TASP1: variants seen among roughly 807,000 people sequenced by gnomAD.
TASP1 encodes the protein taspase 1.
TASP1 carries 16 observed loss-of-function variants against 56.6 expected under a neutral mutation model. That is an observed-to-expected ratio of 0.28 (90% CI 0.19 to 0.43). TASP1 has a LOEUF of 0.43. Among genes scored for constraint, TASP1 ranks in the 20% least tolerant of loss-of-function variants. The pLI, the probability that TASP1 is intolerant of heterozygous loss-of-function variation, is 1.00. For synonymous variants in TASP1, 179 were observed against 184.2 expected (o/e 0.97, Z 0.23); for missense variants, 393 against 511.6 (o/e 0.77, Z 2.24).
the TASP1 span, among the ~76,000 whole-genome samples, chr20:13,240,894 A>T: frequency 3.3e-3 from 500 of 152,258 alleles, 1 homozygote; most frequent in African/African-American, 0.011. Context: ...AGTTCATGTC[A>T]GTGGATTTAT....
At chr20:13,366,329 G>C in the TASP1 span, among the ~76,000 whole-genome samples, 1 of 152,134 alleles carries the variant, frequency 6.6e-6, no homozygotes, top group African/African-American at 2.4e-5. Context: ...GTCAGGAAGA[G>C]AACAGAAACC....
chr20:13,179,108 T>C, the TASP1 span, among the ~76,000 whole-genome samples: 19 of 152,282 alleles, frequency 1.2e-4, no homozygotes, highest in African/African-American at 3.8e-4. Context: ...AGTTTAAGAA[T>C]GAATTGAGGA....
At chr20:13,154,017 C>G in the TASP1 span, 1 of 1,614,034 alleles carries the variant, frequency 6.2e-7, no homozygotes, top group South Asian at 1.1e-5. Context: ...GCAGAGAGTA[C>G]AGCAACTTGC....
chr20:13,365,477 C>T, the TASP1 span, among the ~76,000 whole-genome samples: 2 of 152,200 alleles, frequency 1.3e-5, no homozygotes, highest in African/African-American at 4.8e-5. Context: ...GAGTATATTT[C>T]AGCTTGATGT....
chr20:13,311,333 G>A, the TASP1 span, among the ~76,000 whole-genome samples: 1 of 152,178 alleles, frequency 6.6e-6, no homozygotes, highest in Admixed American at 6.5e-5. Flanking sequence ...TACACTGCTG[G>A]TGGGAATGTA....
chr20:13,200,877 G>A, the TASP1 span, among the ~76,000 whole-genome samples: 93 of 152,298 alleles, frequency 6.1e-4, no homozygotes, highest in East Asian at 0.016. Flanking sequence ...CTATTATGCC[G>A]AGGCTTGAAG....
At chr20:13,380,660 C>T in the TASP1 span, among the ~76,000 whole-genome samples, 9 of 152,306 alleles carry the variant, frequency 5.9e-5, no homozygotes, top group Non-Finnish European at 1.5e-5. Context: ...TTTAAGTCTC[C>T]TGAAGCTGCG....
chr20:13,228,140 T>G, the TASP1 span, among the ~76,000 whole-genome samples: 1 of 151,750 alleles, frequency 6.6e-6, no homozygotes, highest in African/African-American at 2.4e-5. Flanking sequence ...GCCCGGCTAA[T>G]TTTTGTATTT....
chr20:13,243,080 A>C, the TASP1 span, among the ~76,000 whole-genome samples: 1 of 152,206 alleles, frequency 6.6e-6, no homozygotes, highest in African/African-American at 2.4e-5. Context: ...TGGACACCAG[A>C]GTCCATGCTT....
chr20:13,301,512 T>A, the TASP1 span, among the ~76,000 whole-genome samples: 1 of 152,128 alleles, frequency 6.6e-6, no homozygotes, highest in African/African-American at 2.4e-5. Flanking sequence ...AATGAATTAT[T>A]TACACCTTAG....
chr20:13,630,941 A>G (rs1356168228), intron 1 of TASP1, among the ~76,000 whole-genome samples: 1 of 152,088 alleles, frequency 6.6e-6, no homozygotes, highest in Non-Finnish European at 1.5e-5. Context: ...GTTATTTTTT[A>G]AAACAATTTT....
At chr20:13,180,382 G>C in the TASP1 span, among the ~76,000 whole-genome samples, 1 of 152,180 alleles carries the variant, frequency 6.6e-6, no homozygotes, top group Non-Finnish European at 1.5e-5. Context: ...CAAAAGCCAT[G>C]TTCTGAGGTC....
chr20:13,153,520 G>A, the TASP1 span, among the ~76,000 whole-genome samples: 3 of 152,114 alleles, frequency 2.0e-5, no homozygotes, highest in Non-Finnish European at 4.4e-5. Flanking sequence ...TACAAATTCA[G>A]ATTGGATGAA....
the TASP1 span, among the ~76,000 whole-genome samples, chr20:13,174,647 C>T: frequency 2.6e-5 from 4 of 151,294 alleles, no homozygotes; most frequent in South Asian, 2.1e-4. Flanking sequence ...TGCAGTGAGC[C>T]GTAATGCAGC....
At chr20:13,277,958 GTTAT>G in the TASP1 span, among the ~76,000 whole-genome samples, 2 of 152,124 alleles carry the variant, frequency 1.3e-5, no homozygotes, top group Non-Finnish European at 2.9e-5. Context: ...AAAGGAAGGG[GTTAT>G]TTGTCTCAGG....
the TASP1 span, among the ~76,000 whole-genome samples, chr20:13,283,646 C>A: frequency 2.6e-5 from 4 of 152,276 alleles, no homozygotes; most frequent in East Asian, 7.7e-4. Flanking sequence ...CATTTTAAAT[C>A]TCTTCTGTGT....
chr20:13,198,602 A>C, the TASP1 span, among the ~76,000 whole-genome samples: 2 of 152,176 alleles, frequency 1.3e-5, no homozygotes, highest in African/African-American at 4.8e-5. Context: ...TGAACAATAC[A>C]ATATTGTTAC....
chr20:13,338,676 C>T, the TASP1 span, among the ~76,000 whole-genome samples: 1 of 152,182 alleles, frequency 6.6e-6, no homozygotes, highest in African/African-American at 2.4e-5. Flanking sequence ...ACACCAATTC[C>T]TCATTGCAAA....
chr20:13,143,412 A>T, the TASP1 span, among the ~76,000 whole-genome samples: 1 of 152,250 alleles, frequency 6.6e-6, no homozygotes, highest in East Asian at 1.9e-4. Flanking sequence ...CTTAATATTT[A>T]ATCCTCATAA....
Sources: allele counts gnomAD v4.1 joint callset (sites outside exome capture counted in the v4.1 genomes callset), GRCh38; gene constraint gnomAD v4.1.1; transcripts MANE v1.5; gene names NCBI Gene and HGNC (gene_info 2026-07-23, HGNC 2026-07-21).